SPATA17: variants seen among roughly 807,000 people sequenced by gnomAD.
SPATA17 encodes spermatogenesis associated 17, also known as spermatogenesis-associated protein 17.
Under a neutral mutation model 62.2 loss-of-function variants are expected in SPATA17, and 53 were observed. That is an observed-to-expected ratio of 0.85 (90% CI 0.68 to 1.07). SPATA17 has a LOEUF of 1.07. Ranked by LOEUF, SPATA17 falls within the 50% of genes least tolerant of loss-of-function variation. The pLI is 0.00. For missense variants in SPATA17, 466 were observed against 425.5 expected, an observed-to-expected ratio of 1.10 and a Z score of -0.84; for synonymous variants, 146 against 146.8, an observed-to-expected ratio of 0.99 and a Z score of 0.04.
chr1:217,743,567 T>G (rs1041150274), intron 6 of SPATA17, among the ~76,000 whole-genome samples: 2 of 152,138 alleles, frequency 1.3e-5, no homozygotes, highest in African/African-American at 2.4e-5. Flanking sequence ...TGATGGGTAT[T>G]GTAATACAGA....
chr1:217,865,572 A>C (rs2103018048), intron 10 of SPATA17, among the ~76,000 whole-genome samples: 1 of 152,304 alleles, frequency 6.6e-6, no homozygotes, highest in South Asian at 2.1e-4. Context: ...AACTTTCAAT[A>C]GTTTCCCAAA....
chr1:217,767,170 C>T (rs1359722243), intron 6 of SPATA17, among the ~76,000 whole-genome samples: 3 of 152,080 alleles, frequency 2.0e-5, no homozygotes, highest in East Asian at 3.9e-4. Flanking sequence ...TTCTCTAAAA[C>T]TTTAAATATT....
intron 7 of SPATA17, among the ~76,000 whole-genome samples, chr1:217,777,059 A>T (rs1673612328): frequency 6.6e-6 from 1 of 152,168 alleles, no homozygotes; most frequent in Non-Finnish European, 1.5e-5. Context: ...GGCCCTTGGG[A>T]GTCATCCTAG....
At chr1:217,655,549 G>A (rs766247235) in intron 3 of SPATA17, among the ~76,000 whole-genome samples, 1 of 152,008 alleles carries the variant, frequency 6.6e-6, no homozygotes, top group African/African-American at 2.4e-5. Context: ...ATCCAATTAC[G>A]ATTCTTACCA....
At chr1:217,700,983 T>A (rs1204656220) in intron 5 of SPATA17, among the ~76,000 whole-genome samples, 1 of 151,966 alleles carries the variant, frequency 6.6e-6, no homozygotes, top group Non-Finnish European at 1.5e-5. Context: ...ATATTATTTA[T>A]TTATTTTTTG....
At chr1:217,718,789 T>A (rs1273227911) in intron 5 of SPATA17, among the ~76,000 whole-genome samples, 1 of 152,166 alleles carries the variant, frequency 6.6e-6, no homozygotes, top group Non-Finnish European at 1.5e-5. Context: ...ATTAGTGAAT[T>A]GTTGCCCTGC....
At chr1:217,735,446 C>G (rs1672490821) in intron 5 of SPATA17, among the ~76,000 whole-genome samples, 1 of 152,160 alleles carries the variant, frequency 6.6e-6, no homozygotes, top group Non-Finnish European at 1.5e-5. Flanking sequence ...AATTACCTCC[C>G]AAAGGCCCCA....
chr1:217,712,915 G>A (rs888695244), intron 5 of SPATA17, among the ~76,000 whole-genome samples: 1 of 152,118 alleles, frequency 6.6e-6, no homozygotes. Context: ...GGAACAGTCA[G>A]AGCCAAGACG....
chr1:217,767,574 G>T (rs149639061), intron 6 of SPATA17, among the ~76,000 whole-genome samples: 1 of 152,174 alleles, frequency 6.6e-6, no homozygotes, highest in East Asian at 1.9e-4. Context: ...TCTTCTGTGT[G>T]CTTTTCCATT....
chr1:217,708,506 GA>G (rs1671786620), intron 5 of SPATA17, among the ~76,000 whole-genome samples: 1 of 152,034 alleles, frequency 6.6e-6, no homozygotes, highest in African/African-American at 2.4e-5. Flanking sequence ...GAACCATGAA[GA>G]AATTTAATCC....
chr1:217,770,312 TTGC>T (rs1364837474), intron 6 of SPATA17, among the ~76,000 whole-genome samples: 1 of 152,228 alleles, frequency 6.6e-6, no homozygotes, highest in African/African-American at 2.4e-5. Flanking sequence ...CCACTCTTTT[TTGC>T]TGCGTAATTG....
In SPATA17 at chr1:217,742,030, C is replaced by G; in HGVS notation, c.451C>G (p.Leu151Val). ...MKEREEKKAN[L>V]EREEKKRDYQ... ...AGAAAGAGAAGAGAAGAAGGCTAAC[C>G]TCGAAAGGGAAGAGAAGAAAAGAGA... Residue 151 changes from leucine (L) to valine (V), a missense_variant, in exon 6 of 11, where the codon CTC becomes GTC. Leu to Val is a conservative substitution (Grantham distance 32). Transcript: ENST00000366933. The G allele has an allele frequency of 6.2e-7, 1 of 1,613,978 alleles. No individual in the cohort carries two copies. Among genetic ancestry groups the G allele is most frequent in the Non-Finnish European group, 8.5e-7 (1 of 1,179,928 alleles).
intron 3 of SPATA17, among the ~76,000 whole-genome samples, chr1:217,667,586 A>ATT (rs1318903956): frequency 6.6e-6 from 1 of 152,210 alleles, no homozygotes; most frequent in Non-Finnish European, 1.5e-5. Context: ...TTAAAAGCAA[A>ATT]GCCAGGAATT....
intron 3 of SPATA17, among the ~76,000 whole-genome samples, chr1:217,662,722 C>T (rs1228358130): frequency 6.6e-6 from 1 of 151,974 alleles, no homozygotes; most frequent in East Asian, 1.9e-4. Flanking sequence ...TATAAAATAC[C>T]AGTCACTAGT....
chr1:217,688,131 G>A (rs1308787743), intron 5 of SPATA17, among the ~76,000 whole-genome samples: 2 of 152,132 alleles, frequency 1.3e-5, no homozygotes, highest in Non-Finnish European at 2.9e-5. Context: ...TTGGGAGGCT[G>A]CAGCAGGAGG....
At chr1:217,767,536 G>C (rs1415330753) in intron 6 of SPATA17, among the ~76,000 whole-genome samples, 1 of 151,902 alleles carries the variant, frequency 6.6e-6, no homozygotes, top group Non-Finnish European at 1.5e-5. Context: ...CACAGCTCTT[G>C]GATATTCTGT....
chr1:217,702,086 A>G (rs1423273103), intron 5 of SPATA17, among the ~76,000 whole-genome samples: 2 of 151,930 alleles, frequency 1.3e-5, no homozygotes, highest in Admixed American at 1.3e-4. Context: ...TACTATTTAT[A>G]CAAAAATAAC....
chr1:217,837,088 A>G (rs1036536879), intron 9 of SPATA17, among the ~76,000 whole-genome samples: 2 of 152,060 alleles, frequency 1.3e-5, no homozygotes, highest in Admixed American at 6.6e-5. Context: ...TTGGATATCA[A>G]ATGGCTTGGC....
At chr1:217,653,916 T>C (rs2102885845) in intron 3 of SPATA17, among the ~76,000 whole-genome samples, 1 of 152,330 alleles carries the variant, frequency 6.6e-6, no homozygotes, top group East Asian at 1.9e-4. Context: ...ATTTATACCA[T>C]TTTAATACAG....
Sources: gnomAD v4.1 joint callset for allele counts (sites outside exome capture counted in the v4.1 genomes callset) on GRCh38, gnomAD v4.1.1 for gene constraint, MANE v1.5 for transcripts, NCBI Gene and HGNC (gene_info 2026-07-23, HGNC 2026-07-21) for gene names.